SYNE2: variants seen among roughly 807,000 people sequenced by gnomAD.
SYNE2 encodes the protein spectrin repeat containing nuclear envelope protein 2, also known as nesprin-2.
A neutral mutation model predicts 856.3 loss-of-function variants in SYNE2; 431 were observed. The observed-to-expected ratio is 0.50, with a 90% confidence interval of 0.47 to 0.55. The LOEUF (loss-of-function observed/expected upper bound fraction) is 0.55, where lower values mean the gene tolerates loss of function less well. Ranked by LOEUF, SYNE2 falls within the 20% of genes least tolerant of loss-of-function variation. The probability of loss-of-function intolerance (pLI) is 0.00; values close to 1 mark genes in which losing one functional copy is unlikely to be tolerated. For missense variants in SYNE2, 8,129 were observed against 8,023.2 expected, an observed-to-expected ratio of 1.01 and a Z score of -0.50; for synonymous variants, 2,923 against 2,872.3, an observed-to-expected ratio of 1.02 and a Z score of -0.56.
At chr14:63,950,746 T>G (rs529884803) in intron 7 of SYNE2, among the ~76,000 whole-genome samples, 6 of 152,230 alleles carry the variant, frequency 3.9e-5, no homozygotes, top group Admixed American at 1.3e-4. Flanking sequence ...AGCCTTGACC[T>G]CCCAGGCTCA....
intron 1 of SYNE2, among the ~76,000 whole-genome samples, chr14:63,803,216 C>T (rs1195514901): frequency 6.6e-6 from 1 of 152,254 alleles, no homozygotes; most frequent in African/African-American, 2.4e-5. Context: ...GTGGATCCCC[C>T]ACCGGGGCTG....
chr14:64,027,450 T>C (rs1193385423), intron 42 of SYNE2, 34 bp from the exon 43 acceptor site: 3 of 1,424,020 alleles, frequency 2.1e-6, no homozygotes, highest in African/African-American at 2.9e-5. Flanking sequence ...TTGCTAAATA[T>C]CATTTAATTT....
At chr14:64,070,171 C>A (rs2097394209) in intron 51 of SYNE2, among the ~76,000 whole-genome samples, 1 of 152,100 alleles carries the variant, frequency 6.6e-6, no homozygotes, top group African/African-American at 2.4e-5. Context: ...GCTGCTTTAC[C>A]TTTGTTGTGT....
chr14:63,840,524 T>C (rs1890029223), intron 1 of SYNE2, among the ~76,000 whole-genome samples: 1 of 149,896 alleles, frequency 6.7e-6, no homozygotes, highest in Non-Finnish European at 1.5e-5. Flanking sequence ...TTTTTTTTTT[T>C]TTGAAAGGGG....
chr14:64,188,930 AG>A, intron 98 of SYNE2: 2 of 705,386 alleles, frequency 2.8e-6, no homozygotes, highest in Non-Finnish European at 5.2e-6. Flanking sequence ...CATGGTACCG[AG>A]GAGAGTTGCT....
intron 1 of SYNE2, among the ~76,000 whole-genome samples, chr14:63,789,102 A>G (rs1298369986): frequency 2.0e-5 from 3 of 152,224 alleles, no homozygotes; most frequent in African/African-American, 7.2e-5. Context: ...TAATTTTCTT[A>G]GTTTTCATTA....
At chr14:64,108,309 G>A (rs1485768693) in intron 65 of SYNE2, among the ~76,000 whole-genome samples, 5 of 152,140 alleles carry the variant, frequency 3.3e-5, no homozygotes, top group South Asian at 2.1e-4. Context: ...CCAAGATTGC[G>A]CCACTGCACT....
intron 107 of SYNE2, chr14:64,215,567 C>T (rs1333800821): frequency 1.3e-5 from 8 of 625,008 alleles, no homozygotes; most frequent in Non-Finnish European, 2.0e-5. Context: ...CGATGCCAAC[C>T]CCCTCTCCTC....
Position 64,134,315 on chromosome 14 carries a change from A to G in SYNE2, c.14646+115A>G, listed in dbSNP as rs376593971. On this transcript the variant is annotated intron_variant, in intron 78 of 115. Coordinates refer to ENST00000555002, the MANE Select transcript of SYNE2 (RefSeq NM_182914.3). ...TTTGAATTGAAACAAAATGTTCATC[A>G]TACAACTCACTGTTGAATGTATTCA... The G allele has an allele frequency of 1.6e-4, 173 of 1,100,730 alleles. 1 individual carries two copies. The African/African-American group carries it at 2.3e-3, about 15-fold the overall frequency. The allele number at this position is 1,100,730 out of a possible 1,614,324, so 68.2% of individuals were successfully genotyped here.
At chr14:63,820,572 C>G (rs1889176285) in intron 1 of SYNE2, among the ~76,000 whole-genome samples, 1 of 152,044 alleles carries the variant, frequency 6.6e-6, no homozygotes, top group African/African-American at 2.4e-5. Context: ...AGAACTCTTT[C>G]TCTTCAAAAA....
At chr14:64,185,187 G>A (rs2098482405) in intron 96 of SYNE2, among the ~76,000 whole-genome samples, 1 of 152,166 alleles carries the variant, frequency 6.6e-6, no homozygotes, top group South Asian at 2.1e-4. Flanking sequence ...GAGCCCAAGA[G>A]GTCAGTCGAG....
chr14:63,832,019 AATT>A (rs1889687170), intron 1 of SYNE2, among the ~76,000 whole-genome samples: 3 of 152,242 alleles, frequency 2.0e-5, no homozygotes, highest in Admixed American at 6.5e-5. Context: ...TCCCACAAAA[AATT>A]ATTATTTTGA....
intron 100 of SYNE2, 149 bp from the exon 101 acceptor site, chr14:64,208,609 C>T: frequency 1.3e-6 from 1 of 779,206 alleles, no homozygotes. Context: ...AGAGGGATTC[C>T]ATGTGTACTG....
chr14:64,218,091 G>A, intron 108 of SYNE2: 1 of 368,432 alleles, frequency 2.7e-6, no homozygotes, highest in Non-Finnish European at 5.3e-6. Context: ...GTTCTGATTT[G>A]TTTCGTGTGG....
intron 1 of SYNE2, among the ~76,000 whole-genome samples, chr14:63,845,935 G>T (rs1323363650): frequency 1.3e-5 from 2 of 151,034 alleles, no homozygotes; most frequent in East Asian, 1.9e-4. Context: ...GTAAAGAGGA[G>T]GTTTCACCAT....
chr14:64,064,680 A>T (rs1207593222), intron 50 of SYNE2, among the ~76,000 whole-genome samples: 1 of 150,528 alleles, frequency 6.6e-6, no homozygotes, highest in African/African-American at 2.5e-5. Flanking sequence ...CAGCCCGCTG[A>T]GTAGCTGGGG....
intron 1 of SYNE2, among the ~76,000 whole-genome samples, chr14:63,892,652 C>T (rs567323886): frequency 6.6e-5 from 10 of 151,568 alleles, no homozygotes; most frequent in African/African-American, 1.5e-4. Context: ...CATGAAGACC[C>T]GAGGTTAAAA....
At chr14:64,036,983 T>C (rs1842902672) in intron 45 of SYNE2, among the ~76,000 whole-genome samples, 1 of 152,178 alleles carries the variant, frequency 6.6e-6, no homozygotes, top group South Asian at 2.1e-4. Context: ...AGTTCCATGA[T>C]AGTCTTTAAC....
At chr14:64,051,148 G>T (rs2097222581) in intron 47 of SYNE2, among the ~76,000 whole-genome samples, 1 of 151,786 alleles carries the variant, frequency 6.6e-6, no homozygotes, top group African/African-American at 2.4e-5. Context: ...TTTTCCCTTT[G>T]TTGAAAAGAT....
Sources: gnomAD v4.1 joint callset for allele counts (sites outside exome capture counted in the v4.1 genomes callset) on GRCh38, gnomAD v4.1.1 for gene constraint, MANE v1.5 for transcripts, NCBI Gene and HGNC (gene_info 2026-07-23, HGNC 2026-07-21) for gene names.